Variants in CACNA2D3 observed in about 807,000 individuals in gnomAD.
CACNA2D3 encodes the protein calcium voltage-gated channel auxiliary subunit alpha2delta 3, also known as voltage-dependent calcium channel subunit alpha-2/delta-3.
Under a neutral mutation model 160.6 loss-of-function variants are expected in CACNA2D3, and 60 were observed. That is an observed-to-expected ratio of 0.37 (90% CI 0.30 to 0.46). The LOEUF (loss-of-function observed/expected upper bound fraction) is 0.46, where lower values mean the gene tolerates loss of function less well. Ranked by LOEUF, CACNA2D3 falls within the 20% of genes least tolerant of loss-of-function variation. CACNA2D3 has a pLI of 1.00. For synonymous variants in CACNA2D3, 558 were observed against 492.9 expected, an observed-to-expected ratio of 1.13 and a Z score of -1.75; for missense variants, 1,205 against 1,365.0, an observed-to-expected ratio of 0.88 and a Z score of 1.85.
intron 3 of CACNA2D3, among the ~76,000 whole-genome samples, chr3:54,372,494 A>T (rs1423086001): frequency 6.6e-6 from 1 of 152,182 alleles, no homozygotes; most frequent in Non-Finnish European, 1.5e-5. Flanking sequence ...CACGGGGTAC[A>T]GGTGAGCATT....
intron 17 of CACNA2D3, among the ~76,000 whole-genome samples, chr3:54,851,708 C>A (rs1177434939): frequency 6.6e-6 from 1 of 152,030 alleles, no homozygotes; most frequent in African/African-American, 2.4e-5. Context: ...TTTCTAGGAG[C>A]CACATCTAAA....
chr3:54,417,861 A>T (rs1018435120), intron 4 of CACNA2D3, among the ~76,000 whole-genome samples: 2 of 151,774 alleles, frequency 1.3e-5, no homozygotes, highest in East Asian at 1.9e-4. Context: ...ATCATGGCTC[A>T]CTACAGCCCG....
At chr3:54,601,574 G>T (rs560771751) in intron 9 of CACNA2D3, among the ~76,000 whole-genome samples, 1 of 152,130 alleles carries the variant, frequency 6.6e-6, no homozygotes, top group African/African-American at 2.4e-5. Context: ...TCTCAGCCTG[G>T]AGGCCTAGGA....
At chr3:54,462,288 T>C (rs1210701763) in intron 4 of CACNA2D3, among the ~76,000 whole-genome samples, 1 of 152,214 alleles carries the variant, frequency 6.6e-6, no homozygotes, top group East Asian at 1.9e-4. Context: ...AGATGTCTAT[T>C]AGGTCCACTT....
chr3:54,785,149 T>C (rs1272719206), intron 13 of CACNA2D3, among the ~76,000 whole-genome samples: 3 of 152,260 alleles, frequency 2.0e-5, no homozygotes, highest in South Asian at 2.1e-4. Context: ...TTGGTTGGGA[T>C]AAGTTACTGC....
chr3:54,147,541 C>T (rs1371585772), intron 2 of CACNA2D3, among the ~76,000 whole-genome samples: 2 of 152,196 alleles, frequency 1.3e-5, no homozygotes, highest in African/African-American at 4.8e-5. Context: ...CAGACTTTGG[C>T]TCCAAATGGC....
chr3:54,377,684 C>T (rs1699034052), intron 3 of CACNA2D3, among the ~76,000 whole-genome samples: 1 of 152,162 alleles, frequency 6.6e-6, no homozygotes, highest in South Asian at 2.1e-4. Flanking sequence ...AGTAGGAAGA[C>T]CTGGATTCAA....
intron 17 of CACNA2D3, among the ~76,000 whole-genome samples, chr3:54,849,830 A>G (rs1321131377): frequency 2.0e-5 from 3 of 152,148 alleles, no homozygotes; most frequent in African/African-American, 7.2e-5. Flanking sequence ...TCTGCCATGG[A>G]CTTTGTTTCG....
At chr3:54,711,666 G>A (rs1022426879) in intron 11 of CACNA2D3, among the ~76,000 whole-genome samples, 1 of 152,184 alleles carries the variant, frequency 6.6e-6, no homozygotes, top group Admixed American at 6.5e-5. Flanking sequence ...TGGGACTTGG[G>A]AGGAAGCCAC....
chr3:54,639,128 T>A (rs927260669), intron 10 of CACNA2D3: 1 of 149,750 alleles, frequency 6.7e-6, no homozygotes, highest in African/African-American at 2.5e-5. Flanking sequence ...AGATAAGAGG[T>A]TGGGGCGTGA....
At chr3:54,150,150 C>T (rs1700120232) in intron 2 of CACNA2D3, among the ~76,000 whole-genome samples, 1 of 151,674 alleles carries the variant, frequency 6.6e-6, no homozygotes, top group African/African-American at 2.4e-5. Flanking sequence ...ACCCCCAAAA[C>T]TTCTGGTGGT....
chr3:54,828,604 T>G (rs1703796107), intron 14 of CACNA2D3, among the ~76,000 whole-genome samples: 1 of 152,224 alleles, frequency 6.6e-6, no homozygotes, highest in South Asian at 2.1e-4. Context: ...AGGACTGTTT[T>G]TAGATTCTCA....
rs183467222 is a variant in CACNA2D3, at chr3:54,870,541, A to T, written c.1627-998A>T. Among the ~76,000 whole-genome samples, 16 of 152,324 alleles carry T rather than the reference A, an allele frequency of 1.1e-4. No homozygotes were observed. The East Asian group carries it at 2.1e-3, about 20-fold the overall frequency. Reference sequence around the variant, plus strand: ...AGCAGAGGGCAGACTTTCCTACATTATAAACACCCCACAACCAGCATGAAA... The same window carrying T: ...AGCAGAGGGCAGACTTTCCTACATTTTAAACACCCCACAACCAGCATGAAA... On this transcript the variant is annotated intron_variant, in intron 17 of 37. Coordinates refer to ENST00000474759, the MANE Select transcript of CACNA2D3 (RefSeq NM_018398.3).
At chr3:54,548,811 G>T (rs934472494) in intron 5 of CACNA2D3, among the ~76,000 whole-genome samples, 12 of 152,162 alleles carry the variant, frequency 7.9e-5, no homozygotes, top group Admixed American at 1.3e-4. Context: ...CCTCAAGGCC[G>T]ACTTCAAATT....
chr3:54,811,087 A>C lies in CACNA2D3; in HGVS notation c.1381-5766A>C, dbSNP rs564564458. Among the ~76,000 whole-genome samples, 7 of 152,196 alleles carry C rather than the reference A, an allele frequency of 4.6e-5. No homozygotes were observed. In the South Asian group the frequency reaches 8.3e-4, roughly 18 times the overall value. On this transcript the variant is annotated intron_variant, in intron 13 of 37. Transcript: ENST00000474759. ...ACTCACCCCTTCGGTAACCTCATCTACGTGCAGACAGTAACCAAGCTCAGG... is the reference window on the plus strand; with the variant it reads ...ACTCACCCCTTCGGTAACCTCATCTCCGTGCAGACAGTAACCAAGCTCAGG...
intron 34 of CACNA2D3, among the ~76,000 whole-genome samples, chr3:55,011,146 G>A (rs1027104958): frequency 5.3e-5 from 8 of 152,234 alleles, no homozygotes; most frequent in African/African-American, 1.9e-4. Flanking sequence ...TGCCCCTGCT[G>A]ATGCCCGCAT....
chr3:54,688,792 G>C (rs1031920170), intron 11 of CACNA2D3, among the ~76,000 whole-genome samples: 2 of 151,342 alleles, frequency 1.3e-5, no homozygotes, highest in Admixed American at 6.6e-5. Context: ...CTCAAGGTCA[G>C]GGGTTCAAGA....
intron 4 of CACNA2D3, among the ~76,000 whole-genome samples, chr3:54,431,126 C>G (rs1699983548): frequency 1.3e-5 from 2 of 151,836 alleles, no homozygotes; most frequent in African/African-American, 4.8e-5. Flanking sequence ...ATCATGAGGT[C>G]AGGGGATTGA....
chr3:54,320,298 C>A, intron 2 of CACNA2D3, 144 bp from the exon 3 acceptor site: 1 of 501,514 alleles, frequency 2.0e-6, no homozygotes, highest in Non-Finnish European at 3.5e-6. Flanking sequence ...TTTTGAAACA[C>A]AGTTTAATAT....
Sources: gnomAD v4.1 joint callset for allele counts (sites outside exome capture counted in the v4.1 genomes callset) on GRCh38, gnomAD v4.1.1 for gene constraint, MANE v1.5 for transcripts, NCBI Gene and HGNC (gene_info 2026-07-23, HGNC 2026-07-21) for gene names.